The following FTO variants were observed in gnomAD, a reference collection of about 807,000 sequenced individuals.
The protein encoded by FTO is FTO alpha-ketoglutarate dependent dioxygenase, also known as alpha-ketoglutarate-dependent dioxygenase FTO.
FTO carries 47 observed loss-of-function variants against 63.9 expected under a neutral mutation model. The observed-to-expected ratio is 0.74, with a 90% CI of 0.58 to 0.94. The LOEUF (loss-of-function observed/expected upper bound fraction) is 0.94. FTO is among the 40% of genes least tolerant of loss of function. The pLI, the probability that FTO is intolerant of heterozygous loss-of-function variation, is 0.00. For missense variants in FTO, 562 were observed against 618.1 expected, an observed-to-expected ratio of 0.91 and a Z score of 0.96; for synonymous variants, 207 against 224.4, an observed-to-expected ratio of 0.92 and a Z score of 0.69.
intron 8 of FTO, among the ~76,000 whole-genome samples, chr16:53,967,313 G>A (rs1346544733): frequency 2.6e-5 from 4 of 151,902 alleles, no homozygotes; most frequent in Non-Finnish European, 5.9e-5. Context: ...AAGGGCCAGC[G>A]TTTGTTGCCT....
intron 4 of FTO, among the ~76,000 whole-genome samples, chr16:53,859,061 A>G (rs986949395): frequency 6.6e-6 from 1 of 152,220 alleles, no homozygotes; most frequent in African/African-American, 2.4e-5. Context: ...AGGAGACTGC[A>G]GAGTATAGCG....
chr16:53,803,432 C>T (rs754641585), intron 1 of FTO, among the ~76,000 whole-genome samples: 1 of 152,176 alleles, frequency 6.6e-6, no homozygotes, highest in Non-Finnish European at 1.5e-5. Context: ...TTAAAAAGAT[C>T]TCTTTTGAAA....
intron 8 of FTO, among the ~76,000 whole-genome samples, chr16:53,999,276 A>G (rs1359627059): frequency 2.0e-5 from 3 of 152,242 alleles, no homozygotes; most frequent in African/African-American, 7.2e-5. Context: ...GTCATTAGGC[A>G]GGATTTATAT....
chr16:53,712,055 T>C (rs1000347857), intron 1 of FTO, among the ~76,000 whole-genome samples: 5 of 152,208 alleles, frequency 3.3e-5, no homozygotes, highest in African/African-American at 1.2e-4. Context: ...ATTATGCCAC[T>C]GCACTCCAGG....
chr16:54,102,919 A>C (rs1472207651), intron 8 of FTO, among the ~76,000 whole-genome samples: 1 of 151,812 alleles, frequency 6.6e-6, no homozygotes, highest in Non-Finnish European at 1.5e-5. Flanking sequence ...TTGAGAGGCC[A>C]AGGCAGGAGG....
At chr16:53,810,356 A>C in intron 2 of FTO, 139 bp downstream of exon 2, 2 of 679,936 alleles carry the variant, frequency 2.9e-6, no homozygotes, top group East Asian at 5.5e-5. Flanking sequence ...CTCATGGCCT[A>C]CAGAGCATGT....
intron 1 of FTO, among the ~76,000 whole-genome samples, chr16:53,749,275 T>G (rs1197594894): frequency 1.3e-5 from 2 of 152,114 alleles, no homozygotes; most frequent in East Asian, 3.9e-4. Context: ...AGCAATAGTT[T>G]TACTTCTTCC....
At chr16:53,739,624 A>G (rs2076485008) in intron 1 of FTO, among the ~76,000 whole-genome samples, 1 of 152,208 alleles carries the variant, frequency 6.6e-6, no homozygotes, top group Non-Finnish European at 1.5e-5. Context: ...AAAACCACAG[A>G]TTATCCAAAA....
At chr16:54,106,497 AT>A (rs1447807518) in intron 8 of FTO, among the ~76,000 whole-genome samples, 1 of 145,310 alleles carries the variant, frequency 6.9e-6, no homozygotes, top group African/African-American at 2.5e-5. Flanking sequence ...TATAGTATAT[AT>A]TGTATATAAT....
rs894738537 is a variant in FTO at position 53,950,186 on chromosome 16, C to G, written c.1364+16077C>G. Among the ~76,000 whole-genome samples, 58 of 69,180 alleles carry G rather than the reference C, an allele frequency of 8.4e-4. 1 individual carries two copies. Among genetic ancestry groups the G allele is most frequent in the African/African-American group, 2.0e-3 (54 of 26,762 alleles). 45.4% of individuals were successfully genotyped at this position (69,180 alleles called of 152,430 possible). ...AAAAAAAAAAAAAAAAAAACTTAAT[C>G]CATGCTCACAGATGGTCCTGTTCAG... is the stretch of plus-strand genomic sequence containing the variant. On this transcript the variant is annotated intron_variant, in intron 8 of 8. Coordinates refer to ENST00000471389, the MANE Select transcript of FTO (RefSeq NM_001080432.3).
At position 54,029,207 on chromosome 16, in the gene FTO, T is replaced by G. The variant is rs568002414; in HGVS notation, c.1365-82555T>G. Among the ~76,000 whole-genome samples, 4 of 152,338 alleles carry G rather than the reference T, an allele frequency of 2.6e-5. 1 individual carries two copies. The highest frequency in any genetic ancestry group is 7.2e-5 in the African/African-American group (3 of 41,570). ...CCATATGTTAGAAGTGACAACTTTT[T>G]AATTTCACAAGCATGTCACAGGCCT... is the stretch of plus-strand genomic sequence containing the variant. On this transcript the variant is annotated intron_variant, in intron 8 of 8. Coordinates refer to ENST00000471389, the MANE Select transcript of FTO (RefSeq NM_001080432.3).
intron 8 of FTO, among the ~76,000 whole-genome samples, chr16:54,026,592 T>G (rs1336931105): frequency 6.6e-6 from 1 of 152,134 alleles, no homozygotes; most frequent in Non-Finnish European, 1.5e-5. Context: ...GAATGGATGT[T>G]AGGAAGGCAA....
intron 3 of FTO, among the ~76,000 whole-genome samples, chr16:53,827,240 A>G (rs2079031127): frequency 6.6e-6 from 1 of 151,998 alleles, no homozygotes; most frequent in Non-Finnish European, 1.5e-5. Context: ...TTCTTCTATT[A>G]TTGTTTCTGT....
At chr16:53,759,085 C>T (rs925504220) in intron 1 of FTO, among the ~76,000 whole-genome samples, 4 of 151,966 alleles carry the variant, frequency 2.6e-5, no homozygotes, top group East Asian at 3.9e-4. Flanking sequence ...GCGTAATGGG[C>T]GCATAGGGGT....
chr16:53,843,577 T>C (rs2388407), intron 3 of FTO, among the ~76,000 whole-genome samples: 1 of 152,136 alleles, frequency 6.6e-6, no homozygotes, highest in East Asian at 1.9e-4. Flanking sequence ...AGTTGCTCTT[T>C]ATATATTTAG....
intron 8 of FTO, among the ~76,000 whole-genome samples, chr16:54,007,117 C>T (rs1230649685): frequency 6.6e-6 from 1 of 151,928 alleles, no homozygotes; most frequent in Admixed American, 6.5e-5. Context: ...CTATTAAGGC[C>T]GATATGGTTT....
At chr16:54,029,892 CA>C (rs1166600026) in intron 8 of FTO, among the ~76,000 whole-genome samples, 1 of 152,188 alleles carries the variant, frequency 6.6e-6, no homozygotes, top group African/African-American at 2.4e-5. Flanking sequence ...TAAATTAGTC[CA>C]TGACTTCATT....
chr16:53,930,516 C>T (rs1168369452), intron 7 of FTO, among the ~76,000 whole-genome samples: 1 of 152,026 alleles, frequency 6.6e-6, no homozygotes, highest in Non-Finnish European at 1.5e-5. Context: ...AGCCACCGCG[C>T]CAGGCCAATT....
chr16:53,878,314 GTGT>G (rs989700965), intron 5 of FTO, among the ~76,000 whole-genome samples: 2 of 151,902 alleles, frequency 1.3e-5, no homozygotes, highest in African/African-American at 4.8e-5. Context: ...AAAAAAAAAA[GTGT>G]TGTTGTAGAG....
Sources: gnomAD v4.1 joint callset for allele counts (sites outside exome capture counted in the v4.1 genomes callset) on GRCh38, gnomAD v4.1.1 for gene constraint, MANE v1.5 for transcripts, NCBI Gene and HGNC (gene_info 2026-07-23, HGNC 2026-07-21) for gene names.